The following TSHZ2 variants were observed in gnomAD, a reference collection of about 807,000 sequenced individuals.
TSHZ2 encodes teashirt zinc finger homeobox 2, also known as teashirt homolog 2.
Under a neutral mutation model 74.4 loss-of-function variants are expected in TSHZ2, and 21 were observed. The ratio of observed to expected loss-of-function variants is 0.28; its 90% CI spans 0.20 to 0.41. The LOEUF is 0.41. TSHZ2 is among the 10% of genes least tolerant of loss of function. The probability of loss-of-function intolerance (pLI) is 1.00; values close to 1 mark genes in which losing one functional copy is unlikely to be tolerated. For synonymous variants in TSHZ2, 540 were observed against 515.3 expected (o/e 1.05, Z -0.65); for missense variants, 1,244 against 1,293.5 (o/e 0.96, Z 0.59).
chr20:53,182,109 T>TCCTTCCTC (rs1345767221), intron 1 of TSHZ2, among the ~76,000 whole-genome samples: 1 of 151,352 alleles, frequency 6.6e-6, no homozygotes, highest in Non-Finnish European at 1.5e-5. Flanking sequence ...CTTCCTTCCT[T>TCCTTCCTC]CCTTCCTCCC....
At chr20:53,143,863 T>A (rs1987473252) in intron 1 of TSHZ2, among the ~76,000 whole-genome samples, 4 of 152,130 alleles carry the variant, frequency 2.6e-5, no homozygotes, top group Admixed American at 2.6e-4. Flanking sequence ...CACGCAGAGC[T>A]GGCTGTATGG....
intron 2 of TSHZ2, among the ~76,000 whole-genome samples, chr20:53,468,688 CAAAA>C (rs1158529552): frequency 1.5e-5 from 1 of 65,410 alleles, no homozygotes; most frequent in African/African-American, 5.2e-5. Context: ...CATTACGAGA[CAAAA>C]AAAAAAAAAA....
intron 2 of TSHZ2, among the ~76,000 whole-genome samples, chr20:53,476,231 C>T (rs569672206): frequency 1.4e-5 from 2 of 144,782 alleles, no homozygotes; most frequent in Non-Finnish European, 3.0e-5. Flanking sequence ...GACCAATATC[C>T]TTGATGAACA....
At chr20:53,276,713 G>A (rs188047685) in intron 2 of TSHZ2, among the ~76,000 whole-genome samples, 1 of 152,316 alleles carries the variant, frequency 6.6e-6, no homozygotes, top group Admixed American at 6.5e-5. Context: ...TCCCCCGAGT[G>A]TCAGATTCAA....
At chr20:53,217,414 T>C (rs566584592) in intron 1 of TSHZ2, among the ~76,000 whole-genome samples, 25 of 152,120 alleles carry the variant, frequency 1.6e-4, no homozygotes, top group Non-Finnish European at 2.8e-4. Context: ...GAAGCGAATA[T>C]GTGGCTCACA....
At chr20:53,427,089 C>T (rs1237170691) in intron 2 of TSHZ2, among the ~76,000 whole-genome samples, 2 of 152,124 alleles carry the variant, frequency 1.3e-5, no homozygotes, top group Non-Finnish European at 2.9e-5. Context: ...GTGAAGCTCG[C>T]CTGCCTTGTC....
chr20:53,112,878 C>A (rs1441820642), intron 1 of TSHZ2, among the ~76,000 whole-genome samples: 1 of 152,168 alleles, frequency 6.6e-6, no homozygotes, highest in Non-Finnish European at 1.5e-5. Flanking sequence ...CATGAACAAG[C>A]TTGAAAATAA....
At chr20:53,258,830 A>C in intron 2 of TSHZ2, among the ~76,000 whole-genome samples, 1 of 152,216 alleles carries the variant, frequency 6.6e-6, no homozygotes, top group Non-Finnish European at 1.5e-5. Context: ...TACAAGCACC[A>C]TTAGGCTGTG....
chr20:53,028,741 G>A (rs1267814127), intron 1 of TSHZ2, among the ~76,000 whole-genome samples: 1 of 152,126 alleles, frequency 6.6e-6, no homozygotes, highest in African/African-American at 2.4e-5. Flanking sequence ...CATGTTCCAG[G>A]AAGGACTTGG....
At chr20:53,405,248 C>CAAAAAA (rs796097312) in intron 2 of TSHZ2, among the ~76,000 whole-genome samples, 4 of 143,392 alleles carry the variant, frequency 2.8e-5, no homozygotes, top group African/African-American at 1.1e-4. Flanking sequence ...GACTCTGTCT[C>CAAAAAA]AAAAAAAAAA....
rs1310778799 is a variant in TSHZ2 at position 52,972,596 on chromosome 20, T to A, written c.-698T>A. 1 of 153,126 alleles carries A rather than the reference T, an allele frequency of 6.5e-6. No homozygotes were observed. Among genetic ancestry groups the A allele is most frequent in the African/African-American group, 2.4e-5 (1 of 41,294 alleles). The allele number at this position is 153,126 out of a possible 1,614,324, so 9.5% of individuals were successfully genotyped here. On this transcript the variant is annotated 5_prime_UTR_variant, in exon 1 of 3. Transcript: ENST00000371497. ...TCTGTCTTTCCAAAACCCGCTCCTG[T>A]CCTCTCGCATATCACTCACAGACGG...
chr20:53,010,881 T>C (rs773769482), intron 1 of TSHZ2, among the ~76,000 whole-genome samples: 5 of 152,182 alleles, frequency 3.3e-5, no homozygotes, highest in Non-Finnish European at 7.3e-5. Flanking sequence ...CTAGAATTAT[T>C]TTTCCTCCCT....
intron 2 of TSHZ2, among the ~76,000 whole-genome samples, chr20:53,337,726 C>G (rs1462625032): frequency 6.6e-6 from 1 of 152,210 alleles, no homozygotes; most frequent in African/African-American, 2.4e-5. Flanking sequence ...GTGAAAAACT[C>G]ATTTCCCTTC....
chr20:53,267,067 C>T (rs1332875038), intron 2 of TSHZ2, among the ~76,000 whole-genome samples: 3 of 152,180 alleles, frequency 2.0e-5, no homozygotes, highest in Non-Finnish European at 4.4e-5. Flanking sequence ...CATGAGCCAC[C>T]ACGCCCGGCC....
At chr20:53,245,996 A>T (rs1170142920) in intron 1 of TSHZ2, among the ~76,000 whole-genome samples, 1 of 150,864 alleles carries the variant, frequency 6.6e-6, no homozygotes, top group African/African-American at 2.5e-5. Flanking sequence ...AAACTCCATG[A>T]AAGTCCTTCA....
At chr20:53,385,126 T>G (rs1020172189) in intron 2 of TSHZ2, among the ~76,000 whole-genome samples, 2 of 151,228 alleles carry the variant, frequency 1.3e-5, no homozygotes, top group Non-Finnish European at 3.0e-5. Context: ...TCTCAAAAAA[T>G]AAAAATTAAA....
chr20:53,427,702 A>C (rs1983702821), intron 2 of TSHZ2, among the ~76,000 whole-genome samples: 1 of 152,206 alleles, frequency 6.6e-6, no homozygotes, highest in African/African-American at 2.4e-5. Context: ...AGCTCTATCC[A>C]CTGCAGTAGA....
At chr20:53,116,663 T>G (rs190063938) in intron 1 of TSHZ2, among the ~76,000 whole-genome samples, 1 of 152,314 alleles carries the variant, frequency 6.6e-6, no homozygotes, top group Admixed American at 6.5e-5. Flanking sequence ...GAACGTCACC[T>G]ACCTCCTGAT....
rs11475652 is a variant in TSHZ2 at position 53,288,410 on chromosome 20, C to CA, written c.*8+31856dup. On this transcript the variant is annotated intron_variant, in intron 2 of 2. Transcript: ENST00000371497. Reference sequence around the variant, plus strand: ...TGGGTGACAGAGCAAGACTCCGTTTCAAAAAAAAAAAAAAAAACTAGCTAC... The same window carrying CA: ...TGGGTGACAGAGCAAGACTCCGTTTCAAAAAAAAAAAAAAAAAACTAGCTAC... 2.0e-3 allele frequency among the ~76,000 whole-genome samples: 251 copies of CA among 126,942 alleles called. 1 individual carries two copies. The highest frequency in any genetic ancestry group is 3.8e-3 in the Middle Eastern group (1 of 260). 83.3% of individuals were successfully genotyped at this position (126,942 alleles called of 152,430 possible). A position where few individuals can be genotyped will look rare whatever the true frequency, so the allele number is the denominator to read the frequency against.
Sources: gnomAD v4.1 joint callset for allele counts (sites outside exome capture counted in the v4.1 genomes callset) on GRCh38, gnomAD v4.1.1 for gene constraint, MANE v1.5 for transcripts, NCBI Gene and HGNC (gene_info 2026-07-23, HGNC 2026-07-21) for gene names.